The following ADAMTSL1 variants were observed in gnomAD, a reference collection of about 807,000 sequenced individuals.
The protein encoded by ADAMTSL1 is ADAMTS like 1.
In ADAMTSL1, 126 loss-of-function variants were observed where a neutral mutation model predicts 201.8. The observed-to-expected ratio is 0.62, with a 90% confidence interval of 0.54 to 0.72. The LOEUF is 0.72. ADAMTSL1 is among the 30% of genes least tolerant of loss of function. The pLI is 0.00. For missense variants in ADAMTSL1, 2,679 were observed against 2,277.8 expected, an observed-to-expected ratio of 1.18 and a Z score of -3.59; for synonymous variants, 1,121 against 903.4, an observed-to-expected ratio of 1.24 and a Z score of -4.32.
chr9:17,948,256 A>C (rs2811824), intron 1 of ADAMTSL1, among the ~76,000 whole-genome samples: 144,675 of 152,216 alleles, frequency 0.95, 68,999 homozygotes, highest in East Asian at 1. Flanking sequence ...GAGTGTTCCA[A>C]CTCCTCTCTG....
At chr9:18,621,897 A>G (rs1360125568) in intron 4 of ADAMTSL1, among the ~76,000 whole-genome samples, 3 of 152,170 alleles carry the variant, frequency 2.0e-5, no homozygotes, top group Non-Finnish European at 2.9e-5. Flanking sequence ...TTATTAACAT[A>G]GGAGTTATTC....
intron 1 of ADAMTSL1, among the ~76,000 whole-genome samples, chr9:18,498,023 A>G (rs1187102901): frequency 6.6e-6 from 1 of 152,216 alleles, no homozygotes; most frequent in East Asian, 1.9e-4. Context: ...TGAGGACAAA[A>G]TAATTTTTTA....
chr9:18,535,359 C>T (rs1310679930), intron 3 of ADAMTSL1, among the ~76,000 whole-genome samples: 1 of 152,196 alleles, frequency 6.6e-6, no homozygotes, highest in Non-Finnish European at 1.5e-5. Flanking sequence ...TCACTATCAG[C>T]ATTTTGGTCA....
At chr9:18,486,099 T>C (rs2131831714) in intron 1 of ADAMTSL1, among the ~76,000 whole-genome samples, 3 of 152,328 alleles carry the variant, frequency 2.0e-5, no homozygotes, top group Middle Eastern at 6.8e-3. Context: ...CTGTTTAGCA[T>C]AGAACCAGGG....
chr9:18,885,608 T>A (rs1437300393), intron 23 of ADAMTSL1, among the ~76,000 whole-genome samples: 2 of 152,154 alleles, frequency 1.3e-5, no homozygotes, highest in South Asian at 4.1e-4. Context: ...AGCGGATACA[T>A]GAAGGAGTGA....
At chr9:18,725,108 A>G (rs564471394) in intron 15 of ADAMTSL1, among the ~76,000 whole-genome samples, 1 of 152,168 alleles carries the variant, frequency 6.6e-6, no homozygotes, top group South Asian at 2.1e-4. Flanking sequence ...GGGTTTCACC[A>G]TGTTAGCTAG....
At chr9:17,999,176 A>T (rs1464950854) in intron 1 of ADAMTSL1, among the ~76,000 whole-genome samples, 1 of 152,124 alleles carries the variant, frequency 6.6e-6, no homozygotes, top group Non-Finnish European at 1.5e-5. Flanking sequence ...ACACAAAGAT[A>T]ATATACAAAA....
intron 23 of ADAMTSL1, among the ~76,000 whole-genome samples, chr9:18,886,603 G>C (rs1828917962): frequency 6.6e-6 from 1 of 152,150 alleles, no homozygotes; most frequent in Non-Finnish European, 1.5e-5. Flanking sequence ...TATCGGTGAG[G>C]GCTTGCTGTC....
At chr9:18,763,078 T>G (rs780872070) in intron 16 of ADAMTSL1, among the ~76,000 whole-genome samples, 1 of 152,208 alleles carries the variant, frequency 6.6e-6, no homozygotes, top group Non-Finnish European at 1.5e-5. Flanking sequence ...TTAAGGAAAC[T>G]CCAAGCTGTT....
intron 2 of ADAMTSL1, among the ~76,000 whole-genome samples, chr9:18,524,382 G>T (rs1241219237): frequency 6.6e-6 from 1 of 152,172 alleles, no homozygotes; most frequent in Non-Finnish European, 1.5e-5. Flanking sequence ...CATGTCATCT[G>T]CAAACAGGGA....
At chr9:18,722,924 G>A (rs1817631963) in intron 15 of ADAMTSL1, 4 of 722,920 alleles carry the variant, frequency 5.5e-6, no homozygotes, top group South Asian at 3.0e-5. Context: ...CCACATTTCT[G>A]TCCTAACTTC....
At chr9:17,928,326 C>A (rs1040806468) in intron 1 of ADAMTSL1, among the ~76,000 whole-genome samples, 2 of 152,154 alleles carry the variant, frequency 1.3e-5, no homozygotes, top group Non-Finnish European at 2.9e-5. Flanking sequence ...AAAAGCAGCA[C>A]CTGCCTCTTG....
chr9:18,888,217 T>G (rs1367330954), intron 24 of ADAMTSL1, among the ~76,000 whole-genome samples, 174 bp downstream of exon 24: 1 of 152,164 alleles, frequency 6.6e-6, no homozygotes. Context: ...ACATGGCCCT[T>G]CAGAAGAGCC....
intron 1 of ADAMTSL1, among the ~76,000 whole-genome samples, chr9:18,054,071 C>T (rs574049306): frequency 2.2e-4 from 33 of 152,058 alleles, no homozygotes; most frequent in African/African-American, 7.5e-4. Context: ...ATAGAAACTA[C>T]TATAATTAAA....
chr9:18,648,663 A>G (rs985446225), intron 7 of ADAMTSL1, among the ~76,000 whole-genome samples: 3 of 151,868 alleles, frequency 2.0e-5, no homozygotes, highest in Admixed American at 6.6e-5. Flanking sequence ...GTTTGGCTGG[A>G]TATGAAATTC....
chr9:18,244,226 G>A (rs1048610934), intron 2 of ADAMTSL1, among the ~76,000 whole-genome samples: 3 of 152,032 alleles, frequency 2.0e-5, no homozygotes, highest in Non-Finnish European at 4.4e-5. Flanking sequence ...TGCCAAGAGT[G>A]TGGAAGAGAG....
chr9:17,935,155 A>T (rs1044873158), intron 1 of ADAMTSL1, among the ~76,000 whole-genome samples: 9 of 152,018 alleles, frequency 5.9e-5, no homozygotes, highest in African/African-American at 1.9e-4. Flanking sequence ...TCCAGTGGAC[A>T]GCTCTCCATC....
chr9:18,126,968 C>G (rs543537230), intron 1 of ADAMTSL1, among the ~76,000 whole-genome samples: 3 of 152,200 alleles, frequency 2.0e-5, no homozygotes, highest in African/African-American at 7.2e-5. Context: ...TTCTGCCAGC[C>G]TGGGTGGGGA....
chr9:18,068,973 T>C (rs1258508578), intron 1 of ADAMTSL1, among the ~76,000 whole-genome samples: 1 of 152,272 alleles, frequency 6.6e-6, no homozygotes, highest in Non-Finnish European at 1.5e-5. Flanking sequence ...GGTATAAAGA[T>C]AAATAGGAGT....
Sources: allele counts gnomAD v4.1 joint callset (sites outside exome capture counted in the v4.1 genomes callset), GRCh38; gene constraint gnomAD v4.1.1; transcripts MANE v1.5; gene names NCBI Gene and HGNC (gene_info 2026-07-23, HGNC 2026-07-21).